The following SLC4A5 variants were observed in gnomAD, a reference collection of about 807,000 sequenced individuals.
The protein encoded by SLC4A5 is solute carrier family 4 member 5.
A neutral mutation model predicts 120.4 loss-of-function variants in SLC4A5; 96 were observed. That is an observed-to-expected ratio of 0.80 (90% CI 0.68 to 0.94). The LOEUF (loss-of-function observed/expected upper bound fraction) is 0.94, where lower values mean the gene tolerates loss of function less well. Ranked by LOEUF, SLC4A5 falls within the 40% of genes least tolerant of loss-of-function variation. The pLI is 0.00. For missense variants in SLC4A5, 1,259 were observed against 1,459.5 expected (o/e 0.86, Z 2.24); for synonymous variants, 550 against 571.1 (o/e 0.96, Z 0.53).
intron 5 of SLC4A5, among the ~76,000 whole-genome samples, chr2:74,320,167 G>C (rs185503831): frequency 2.5e-4 from 38 of 151,966 alleles, no homozygotes; most frequent in Admixed American, 3.9e-4. Context: ...CAATCCAGGA[G>C]GCCCAAACAT....
chr2:74,219,220 T>TG (rs1558861668), intron 30 of SLC4A5, among the ~76,000 whole-genome samples: 2,729 of 99,282 alleles, frequency 0.027, 32 homozygotes, highest in Non-Finnish European at 0.033. Flanking sequence ...TGTGTGTGTG[T>TG]TTGTGTGTGT....
intron 5 of SLC4A5, among the ~76,000 whole-genome samples, chr2:74,318,034 G>A (rs1395780523): frequency 2.0e-5 from 3 of 152,138 alleles, no homozygotes; most frequent in Non-Finnish European, 4.4e-5. Flanking sequence ...AGTAGCAAAT[G>A]TCACAAAAGC....
chr2:74,254,855 AC>A (rs1170641409), intron 13 of SLC4A5, 149 bp from the exon 14 acceptor site: 8 of 617,422 alleles, frequency 1.3e-5, no homozygotes, highest in African/African-American at 1.1e-4. Context: ...TTGCTCCATC[AC>A]CCAGGCTGCA....
At position 74,241,979 on chromosome 2, in the gene SLC4A5, G is replaced by C. The variant is rs200135216; in HGVS notation, c.2118+15C>G. 7.5e-6 allele frequency: 12 copies of C among 1,599,062 alleles called. No homozygotes were observed. The Admixed American group carries it at 8.4e-5, about 11-fold the overall frequency. On this transcript the variant is annotated intron_variant, in intron 20 of 30. Transcript: ENST00000394019. ...AAAAGCACTCAAATGTCTAACATAA[G>C]AGGAAAGGACTTACCAGAGAAGCGT... is the stretch of plus-strand genomic sequence containing the variant.
chr2:74,231,534 C>T (rs1670084419), intron 24 of SLC4A5, among the ~76,000 whole-genome samples: 2 of 152,102 alleles, frequency 1.3e-5, no homozygotes, highest in Admixed American at 1.3e-4. Flanking sequence ...TGAGGGAGGC[C>T]GCTTAGTGTA....
At chr2:74,312,241 A>ATGTGTGTGTG (rs1322936461) in intron 6 of SLC4A5, among the ~76,000 whole-genome samples, 8 of 140,038 alleles carry the variant, frequency 5.7e-5, no homozygotes, top group East Asian at 2.1e-4. Context: ...GTGTGTGTGT[A>ATGTGTGTGTG]TATGTGTGTG....
chr2:74,216,939 C>T (rs185227951), exon 31 of SLC4A5: 2 of 152,276 alleles, frequency 1.3e-5, no homozygotes, highest in East Asian at 1.9e-4. Flanking sequence ...GGAGATGGTT[C>T]TGGAAATTCT....
At chr2:74,318,362 C>A (rs1287354086) in intron 5 of SLC4A5, among the ~76,000 whole-genome samples, 1 of 152,100 alleles carries the variant, frequency 6.6e-6, no homozygotes, top group Non-Finnish European at 1.5e-5. Context: ...CAATGAGATA[C>A]CATCTTACAC....
chr2:74,293,695 A>T (rs1209821397), intron 7 of SLC4A5, among the ~76,000 whole-genome samples: 3 of 152,098 alleles, frequency 2.0e-5, no homozygotes, highest in Non-Finnish European at 4.4e-5. Context: ...GACTGTGAGA[A>T]ACTCCTTTGT....
At chr2:74,294,484 T>G (rs1393250354) in intron 7 of SLC4A5, among the ~76,000 whole-genome samples, 1 of 152,184 alleles carries the variant, frequency 6.6e-6, no homozygotes, top group Non-Finnish European at 1.5e-5. Flanking sequence ...TAGATATAAA[T>G]GCAGTATAAT....
intron 25 of SLC4A5, among the ~76,000 whole-genome samples, chr2:74,229,259 T>TTTG (rs558347757): frequency 1.4e-5 from 2 of 145,470 alleles, no homozygotes; most frequent in Non-Finnish European, 1.5e-5. Flanking sequence ...TTTTTTTTTT[T>TTTG]GGGGGGGGCA....
chr2:74,259,620 T>C, exon 12 of SLC4A5: 2 of 1,614,194 alleles, frequency 1.2e-6, no homozygotes, highest in Non-Finnish European at 1.7e-6. Context: ...GAAATGTCAT[T>C]CATGCTTCTG....
chr2:74,290,590 G>GAGAGAGAGAGAC (rs751340200), intron 7 of SLC4A5: 3 of 980,880 alleles, frequency 3.1e-6, no homozygotes, highest in Non-Finnish European at 3.6e-6. Context: ...AAAGATCTGA[G>GAGAGAGAGAGAC]AGAGAGAGAG....
At chr2:74,286,269 C>T (rs757667138) in intron 7 of SLC4A5, among the ~76,000 whole-genome samples, 4 of 152,148 alleles carry the variant, frequency 2.6e-5, no homozygotes, top group Non-Finnish European at 5.9e-5. Flanking sequence ...TTCTTCCCAC[C>T]GGGCCCCAAG....
intron 6 of SLC4A5, 140 bp from the exon 7 acceptor site, chr2:74,304,820 G>A: frequency 1.2e-6 from 1 of 804,858 alleles, no homozygotes; most frequent in South Asian, 1.9e-5. Context: ...TCATTGCCCT[G>A]AGGCTTGGGT....
chr2:74,320,140 C>A (rs1282704849), intron 5 of SLC4A5, among the ~76,000 whole-genome samples: 5 of 151,652 alleles, frequency 3.3e-5, no homozygotes, highest in Non-Finnish European at 5.9e-5. Flanking sequence ...TATGACAAAA[C>A]AAGAAAACCA....
Position 74,255,842 on chromosome 2 carries a change from T to C in SLC4A5, c.958A>G (p.Ile320Val), listed in dbSNP as rs1392583074. Residue 320 changes from isoleucine (I) to valine (V), a missense_variant, in exon 13 of 31, where the codon ATC (isoleucine) becomes GTC (valine). Physicochemically the swap from Ile to Val is conservative, Grantham distance 29. Transcript: ENST00000394019. The surrounding 1 kb of genome is among the most constrained non-coding windows in gnomAD (Gnocchi z 4.0). ...GACTGGATGAGGCGCACGAACGCGA[T>C]GAATGGCTGGTCTAGGAAGTCCACC... The C allele has an allele frequency of 9.3e-6, 15 of 1,614,040 alleles. No individual in the cohort carries two copies. The highest frequency in any genetic ancestry group is 2.7e-5 in the African/African-American group (2 of 74,920).
chr2:74,229,116 T>TTTTTTTTTTCGG lies in SLC4A5; in HGVS notation c.2848-1239_2848-1238insCCGAAAAAAAAA, dbSNP rs1553451209. On this transcript the variant is annotated intron_variant, in intron 25 of 30. Transcript: ENST00000394019. The stretch of plus-strand genomic sequence containing the variant: ...TCTTAGATTTGAGCTTTTTTTTTTT[T>TTTTTTTTTTCGG]CTTGAGACAGAGTCTCGATATGTTG... 2.1e-4 allele frequency among the ~76,000 whole-genome samples: 29 copies of TTTTTTTTTTCGG among 136,538 alleles called. 2 individuals carry two copies. Among genetic ancestry groups the TTTTTTTTTTCGG allele is most frequent in the African/African-American group, 7.8e-4 (27 of 34,450 alleles). The allele number at this position is 136,538 out of a possible 152,430, so 89.6% of individuals were successfully genotyped here.
intron 8 of SLC4A5, among the ~76,000 whole-genome samples, chr2:74,276,956 G>C (rs188276353): frequency 5.8e-4 from 88 of 152,224 alleles, no homozygotes; most frequent in African/African-American, 1.9e-3. Flanking sequence ...AAGATGCCCT[G>C]AGAGAAGCAG....
Sources: allele counts gnomAD v4.1 joint callset (sites outside exome capture counted in the v4.1 genomes callset), GRCh38; gene constraint gnomAD v4.1.1; non-coding constraint Gnocchi (gnomAD v3.1); transcripts MANE v1.5; gene names NCBI Gene and HGNC (gene_info 2026-07-23, HGNC 2026-07-21).